Variants in TBC1D22B observed in about 807,000 individuals in gnomAD.
TBC1D22B encodes the protein chromosome 6 open reading frame 197.
TBC1D22B carries 32 observed loss-of-function variants against 69.1 expected under a neutral mutation model. That is an observed-to-expected ratio of 0.46 (90% CI 0.35 to 0.62). The LOEUF (loss-of-function observed/expected upper bound fraction) is 0.62, where lower values mean the gene tolerates loss of function less well. Ranked by LOEUF, TBC1D22B falls within the 20% of genes least tolerant of loss-of-function variation. TBC1D22B has a pLI of 0.00. For missense variants in TBC1D22B, 462 were observed against 630.9 expected (o/e 0.73, Z 2.87); for synonymous variants, 206 against 229.8 (o/e 0.90, Z 0.94).
chr6:37,297,558 T>G (rs906863482), intron 8 of TBC1D22B, among the ~76,000 whole-genome samples: 3 of 152,236 alleles, frequency 2.0e-5, no homozygotes, highest in African/African-American at 7.2e-5. Context: ...ACCTGTGCTC[T>G]CTATATGACT....
chr6:37,284,671 A>G (rs1562048823), intron 6 of TBC1D22B, among the ~76,000 whole-genome samples: 2 of 152,316 alleles, frequency 1.3e-5, no homozygotes, highest in East Asian at 1.9e-4. Flanking sequence ...TTTTGGCACT[A>G]GTCAGTGCAC....
At chr6:37,320,022 A>G (rs1768194707) in intron 12 of TBC1D22B, among the ~76,000 whole-genome samples, 1 of 152,254 alleles carries the variant, frequency 6.6e-6, no homozygotes, top group Non-Finnish European at 1.5e-5. Context: ...GAGAAGTTTT[A>G]GGGCTAAAAG....
In TBC1D22B at chr6:37,279,609, C is replaced by T. The variant is rs756998201; in HGVS notation, c.419C>T (p.Ser140Phe). ...SSSDAQLSRN[S>F]SDTCLRNPLH... ...AGTGATGCCCAGCTGTCCAGAAACT[C>T]TAGTAAGTCCTTCCTGCTCCCTTCA... Residue 140 changes from serine to phenylalanine, a missense_variant and splice_region_variant, in exon 3 of 13, where the codon TCT becomes TTT. Physicochemically the swap from Ser to Phe is radical, Grantham distance 155. Around this residue, in one of 2 missense-constraint regions of TBC1D22B, gnomAD observed 237 missense variants for 255.4 expected, o/e 0.93. Transcript: ENST00000373491. The T allele has an allele frequency of 5.6e-6, 9 of 1,607,360 alleles. No individual in the cohort carries two copies. In the South Asian group the frequency reaches 1.0e-4, roughly 18 times the overall value.
chr6:37,331,271 C>A lies in TBC1D22B; in HGVS notation c.*99C>A. 7.7e-7 allele frequency: 1 copy of A among 1,294,260 alleles called. No individual in the cohort carries two copies. Among genetic ancestry groups the A allele is most frequent in the South Asian group, 1.3e-5 (1 of 77,368 alleles). The allele number at this position is 1,294,260 out of a possible 1,614,324, so 80.2% of individuals were successfully genotyped here. A position where few individuals can be genotyped will look rare whatever the true frequency, so the allele number is the denominator to read the frequency against. On this transcript the variant is annotated 3_prime_UTR_variant, in exon 13 of 13. Coordinates refer to ENST00000373491, the MANE Select transcript of TBC1D22B (RefSeq NM_017772.4). ...CCGTGGACCCCGGCCAGGAACCACT[C>A]CTGTTGTACAAAGCTCACACCCACC...
Position 37,261,432 on chromosome 6 carries a change from CAAAAAAA to C in TBC1D22B, c.56+3474_56+3480del, listed in dbSNP as rs56999111. 1.4e-4 allele frequency among the ~76,000 whole-genome samples: 11 copies of C among 75,928 alleles called. No homozygotes were observed. In the East Asian group the frequency reaches 3.3e-3, roughly 23 times the overall value. 49.8% of individuals were successfully genotyped at this position (75,928 alleles called of 152,430 possible). ...GGGCAACAGAGCAAGAGATTGTCTC[CAAAAAAA>C]AAAAAAAAAAAAAATGCAGGCTCTG... On this transcript the variant is annotated intron_variant, in intron 1 of 12. Coordinates refer to ENST00000373491, the MANE Select transcript of TBC1D22B (RefSeq NM_017772.4).
intron 8 of TBC1D22B, among the ~76,000 whole-genome samples, chr6:37,302,434 G>A (rs887475667): frequency 5.9e-5 from 9 of 152,102 alleles, no homozygotes; most frequent in African/African-American, 1.9e-4. Context: ...AACTACTGAG[G>A]TCCAATATAA....
Position 37,279,536 on chromosome 6 carries a change from TCA to T in TBC1D22B, c.347_348del (p.Ser116TyrfsTer17). The T allele has an allele frequency of 6.2e-7, 1 of 1,614,200 alleles. No individual in the cohort carries two copies. The highest frequency in any genetic ancestry group is 8.5e-7 in the Non-Finnish European group (1 of 1,180,028). On this transcript the variant is annotated frameshift_variant, in exon 3 of 13. Coordinates refer to ENST00000373491, the MANE Select transcript of TBC1D22B (RefSeq NM_017772.4). LOFTEE classifies it high-confidence loss of function. ...GAGAGTAAAACCAGAACGGTCCCAG[TCA>T]ACGACATCGGACGTCCCTGCCAACT... ...KLRVKPERSQ[S>X]TTSDVPANYK...
At chr6:37,312,409 C>T (rs1767942288) in intron 8 of TBC1D22B, among the ~76,000 whole-genome samples, 1 of 152,196 alleles carries the variant, frequency 6.6e-6, no homozygotes, top group South Asian at 2.1e-4. Flanking sequence ...CATACCTTCT[C>T]TTTTGAGTGG....
intron 8 of TBC1D22B, among the ~76,000 whole-genome samples, chr6:37,297,897 G>A (rs1426897404): frequency 6.6e-6 from 1 of 152,150 alleles, no homozygotes; most frequent in African/African-American, 2.4e-5. Flanking sequence ...CCTTTGCAGG[G>A]ACATGGATGA....
At chr6:37,315,453 A>G (rs1222502611) in intron 10 of TBC1D22B, among the ~76,000 whole-genome samples, 1 of 151,906 alleles carries the variant, frequency 6.6e-6, no homozygotes, top group East Asian at 1.9e-4. Context: ...GCTACTCAGG[A>G]GGTTGAGATG....
At chr6:37,266,620 C>T (rs183700725) in intron 1 of TBC1D22B, among the ~76,000 whole-genome samples, 1 of 152,152 alleles carries the variant, frequency 6.6e-6, no homozygotes, top group Non-Finnish European at 1.5e-5. Flanking sequence ...TGCCACCATG[C>T]CCGGCTAATT....
At chr6:37,296,453 A>G (rs978367204) in intron 8 of TBC1D22B, among the ~76,000 whole-genome samples, 1 of 151,962 alleles carries the variant, frequency 6.6e-6, no homozygotes, top group Non-Finnish European at 1.5e-5. Context: ...GGCTCAAGTG[A>G]TCCTCTCACC....
intron 8 of TBC1D22B, among the ~76,000 whole-genome samples, chr6:37,296,662 C>CT (rs1308502159): frequency 2.6e-5 from 4 of 151,896 alleles, no homozygotes; most frequent in African/African-American, 9.7e-5. Flanking sequence ...GTCTTACCAC[C>CT]TCTCTCCATT....
At chr6:37,265,101 C>A (rs923821898) in intron 1 of TBC1D22B, among the ~76,000 whole-genome samples, 1 of 152,208 alleles carries the variant, frequency 6.6e-6, no homozygotes, top group African/African-American at 2.4e-5. Flanking sequence ...GTTTTAGATA[C>A]ATCATGGTTC....
At chr6:37,265,607 C>T (rs1414038471) in intron 1 of TBC1D22B, among the ~76,000 whole-genome samples, 1 of 151,202 alleles carries the variant, frequency 6.6e-6, no homozygotes. Context: ...TCCCTTTACT[C>T]TTTGATTCCT....
intron 10 of TBC1D22B, among the ~76,000 whole-genome samples, chr6:37,314,580 A>C (rs1484538388): frequency 6.6e-6 from 1 of 152,160 alleles, no homozygotes; most frequent in African/African-American, 2.4e-5. Flanking sequence ...ACAACTCAGG[A>C]AGCTCTGCTG....
At chr6:37,280,812 G>A (rs148404286) in intron 3 of TBC1D22B, among the ~76,000 whole-genome samples, 1,861 of 150,078 alleles carry the variant, frequency 0.012, 33 homozygotes, top group Middle Eastern at 0.049. Flanking sequence ...TACACTAGGC[G>A]TCCCAGCCAA....
chr6:37,269,728 T>C, intron 2 of TBC1D22B, 78 bp downstream of exon 2: 1 of 1,389,404 alleles, frequency 7.2e-7, no homozygotes, highest in East Asian at 2.3e-5. Context: ...AAATGACAGT[T>C]TCCACCTTGA....
At chr6:37,320,999 T>G (rs562238786) in intron 12 of TBC1D22B, among the ~76,000 whole-genome samples, 79 of 152,354 alleles carry the variant, frequency 5.2e-4, no homozygotes, top group Non-Finnish European at 9.8e-4. Context: ...TTGAATCATA[T>G]GCAGTTGTTT....
Sources: allele counts gnomAD v4.1 joint callset (sites outside exome capture counted in the v4.1 genomes callset), GRCh38; gene constraint gnomAD v4.1.1; regional missense constraint gnomAD v4.1.1; transcripts MANE v1.5; gene names NCBI Gene and HGNC (gene_info 2026-07-23, HGNC 2026-07-21).